Variants in ERG observed in about 807,000 individuals in gnomAD.
The protein encoded by ERG is transcriptional regulator ERG.
ERG carries 9 observed loss-of-function variants against 55.3 expected under a neutral mutation model. The observed-to-expected ratio is 0.16, with a 90% CI of 0.10 to 0.28. The LOEUF is 0.28. Among genes scored for constraint, ERG ranks in the 10% least tolerant of loss-of-function variants. The pLI, the probability that ERG is intolerant of heterozygous loss-of-function variation, is 1.00. For missense variants in ERG, 434 were observed against 631.6 expected, an observed-to-expected ratio of 0.69 and a Z score of 3.35; for synonymous variants, 223 against 237.3, an observed-to-expected ratio of 0.94 and a Z score of 0.55.
rs1488107189 is a variant in ERG at position 38,382,018 on chromosome 21, C to G, written c.*1385G>C. On this transcript the variant is annotated 3_prime_UTR_variant, in exon 10 of 10. Coordinates refer to ENST00000288319, the MANE Select transcript of ERG (RefSeq NM_182918.4). ...ACTAAAAAAAGTGCAAATGCAGACT[C>G]CTGTATAAATCTGATTTGCCATGCT... 1.9e-6 allele frequency: 2 copies of G among 1,060,180 alleles called. No homozygotes were observed. Among genetic ancestry groups the G allele is most frequent in the African/African-American group, 3.3e-5 (2 of 60,766 alleles). 65.7% of individuals were successfully genotyped at this position (1,060,180 alleles called of 1,614,324 possible).
chr21:38,470,664 C>T (rs2059131024), intron 1 of ERG: 1 of 152,212 alleles, frequency 6.6e-6, no homozygotes, highest in South Asian at 2.1e-4. Context: ...TGTCAAACTG[C>T]TTCACAGGCG....
chr21:38,506,913 A>ACACATT (rs2059465476), intron 2 of ERG, among the ~76,000 whole-genome samples: 2 of 152,142 alleles, frequency 1.3e-5, no homozygotes, highest in African/African-American at 4.8e-5. Flanking sequence ...GTTCTACAGA[A>ACACATT]GGATAATTAA....
At chr21:38,453,929 A>G (rs1037948544) in intron 1 of ERG, among the ~76,000 whole-genome samples, 2 of 150,752 alleles carry the variant, frequency 1.3e-5, no homozygotes, top group Admixed American at 6.6e-5. Context: ...TCTTCCCAGT[A>G]GGCTTCTTTC....
chr21:38,578,062 C>T lies in ERG; in HGVS notation c.-126-2315G>A, dbSNP rs545360201. ...AGCAGCACAGCACATGGCAGAGGACCGAGTGCCCAGTGGGGCAGCCAGCAC... is the reference window on the plus strand; with the variant it reads ...AGCAGCACAGCACATGGCAGAGGACTGAGTGCCCAGTGGGGCAGCCAGCAC... On this transcript the variant is annotated intron_variant, in intron 1 of 8. Coordinates refer to the ERG transcript ENST00000398897. Among the ~76,000 whole-genome samples, 17 of 152,260 alleles carry T rather than the reference C, an allele frequency of 1.1e-4. No homozygotes were observed. The South Asian group carries it at 3.3e-3, about 30-fold the overall frequency.
chr21:38,400,720 T>C, intron 5 of ERG, 75 bp from the exon 6 acceptor site: 1 of 1,142,282 alleles, frequency 8.8e-7, no homozygotes, highest in Non-Finnish European at 1.3e-6. Context: ...GCGCCAAATC[T>C]ACTTTTCCCT....
chr21:38,451,321 T>C (rs1427016862), intron 1 of ERG: 1 of 426,720 alleles, frequency 2.3e-6, no homozygotes, highest in East Asian at 7.0e-5. Context: ...CTGCATACAG[T>C]TAATCATTTC....
At chr21:38,445,194 T>G (rs918923647) in intron 2 of ERG, among the ~76,000 whole-genome samples, 4 of 148,152 alleles carry the variant, frequency 2.7e-5, no homozygotes, top group African/African-American at 7.5e-5. Flanking sequence ...CAGGCTGGAG[T>G]GCAGTGGCAT....
At chr21:38,616,536 G>C (rs1430091048) in intron 1 of ERG, among the ~76,000 whole-genome samples, 1 of 152,106 alleles carries the variant, frequency 6.6e-6, no homozygotes, top group Non-Finnish European at 1.5e-5. Context: ...TGAACACCGA[G>C]ACAGTGCCTT....
rs138309809 is a variant in ERG at position 38,507,382 on chromosome 21, C to A, written c.-41+68280G>T. 2.0e-5 allele frequency among the ~76,000 whole-genome samples: 3 copies of A among 152,314 alleles called. No individual in the cohort carries two copies. In the East Asian group the frequency reaches 5.8e-4, roughly 29 times the overall value. On this transcript the variant is annotated intron_variant, in intron 2 of 8. Coordinates refer to the ERG transcript ENST00000398897. ...TATTCCTTTTTCAATCAACCAGTAA[C>A]TTTGCAGGTTTGTTCAAAGAAGAAA...
At chr21:38,457,699 C>T (rs1569114503) in intron 1 of ERG, among the ~76,000 whole-genome samples, 3 of 152,274 alleles carry the variant, frequency 2.0e-5, no homozygotes, top group Non-Finnish European at 4.4e-5. Context: ...TGCTATGCAC[C>T]ACTGTGCAGG....
At chr21:38,618,926 G>A (rs1033260041) in intron 1 of ERG, among the ~76,000 whole-genome samples, 1 of 152,202 alleles carries the variant, frequency 6.6e-6, no homozygotes, top group African/African-American at 2.4e-5. Flanking sequence ...ACCCAATCCT[G>A]AAAATTTAGC....
At chr21:38,546,834 A>T (rs563471966) in intron 2 of ERG, among the ~76,000 whole-genome samples, 3 of 152,240 alleles carry the variant, frequency 2.0e-5, no homozygotes, top group African/African-American at 7.2e-5. Context: ...TGAGCTTCCC[A>T]TTGTACCTGG....
At chr21:38,625,001 T>C (rs1279963996) in intron 1 of ERG, among the ~76,000 whole-genome samples, 1 of 107,920 alleles carries the variant, frequency 9.3e-6, no homozygotes, top group East Asian at 4.1e-4. Flanking sequence ...TAAAAATATA[T>C]ATTAATATTA....
intron 1 of ERG, among the ~76,000 whole-genome samples, chr21:38,646,370 A>C (rs995541532): frequency 1.3e-5 from 2 of 152,088 alleles, no homozygotes; most frequent in Non-Finnish European, 2.9e-5. Flanking sequence ...TCTCTCCTAG[A>C]AGACAGGGCA....
At chr21:38,408,843 C>T (rs1009871320) in intron 3 of ERG, among the ~76,000 whole-genome samples, 3 of 152,112 alleles carry the variant, frequency 2.0e-5, no homozygotes, top group Non-Finnish European at 2.9e-5. Context: ...CAGCATAAGC[C>T]CCAGCCGAGG....
At chr21:38,632,561 A>G (rs1022976008) in intron 1 of ERG, among the ~76,000 whole-genome samples, 2 of 152,148 alleles carry the variant, frequency 1.3e-5, no homozygotes. Flanking sequence ...GTGATAGTGA[A>G]TAAGTCTCAC....
intron 2 of ERG, among the ~76,000 whole-genome samples, chr21:38,575,405 A>C (rs2059988780): frequency 6.6e-6 from 1 of 152,230 alleles, no homozygotes; most frequent in African/African-American, 2.4e-5. Flanking sequence ...GCCACAGATG[A>C]TATAGAAATG....
At chr21:38,555,984 T>G (rs2059855793) in intron 2 of ERG, among the ~76,000 whole-genome samples, 1 of 152,192 alleles carries the variant, frequency 6.6e-6, no homozygotes, top group African/African-American at 2.4e-5. Flanking sequence ...ATAGATTTAA[T>G]CAAAGATAGT....
chr21:38,468,652 C>T (rs2059110871), intron 1 of ERG, among the ~76,000 whole-genome samples: 1 of 152,130 alleles, frequency 6.6e-6, no homozygotes, highest in African/African-American at 2.4e-5. Flanking sequence ...GCCACCCCAA[C>T]AAACCTGCCA....
Sources: gnomAD v4.1 joint callset for allele counts (sites outside exome capture counted in the v4.1 genomes callset) on GRCh38, gnomAD v4.1.1 for gene constraint, MANE v1.5 for transcripts, NCBI Gene and HGNC (gene_info 2026-07-23, HGNC 2026-07-21) for gene names.